Variants in PKNOX2 observed in about 807,000 individuals in gnomAD.
PKNOX2 encodes PBX/knotted 1 homeobox 2.
Under a neutral mutation model 53.1 loss-of-function variants are expected in PKNOX2, and 14 were observed. The ratio of observed to expected loss-of-function variants is 0.26; its 90% CI spans 0.17 to 0.41. The LOEUF (loss-of-function observed/expected upper bound fraction) is 0.41. Among genes scored for constraint, PKNOX2 ranks in the 10% least tolerant of loss-of-function variants. The pLI is 1.00. For missense variants in PKNOX2, 496 were observed against 602.8 expected (o/e 0.82, Z 1.85); for synonymous variants, 257 against 242.8 (o/e 1.06, Z -0.54).
chr11:125,193,813 G>A (rs1001163682), intron 1 of PKNOX2, among the ~76,000 whole-genome samples: 1 of 152,194 alleles, frequency 6.6e-6, no homozygotes, highest in South Asian at 2.1e-4. Context: ...CAGAGCAGGG[G>A]ACAAGGATTT....
chr11:125,296,981 G>A (rs936835096), intron 2 of PKNOX2, among the ~76,000 whole-genome samples: 1 of 152,138 alleles, frequency 6.6e-6, no homozygotes, highest in African/African-American at 2.4e-5. Context: ...TGAAGACAGG[G>A]AATTTGTTTT....
chr11:125,252,955 A>G (rs1050398573), intron 2 of PKNOX2, among the ~76,000 whole-genome samples: 1 of 152,172 alleles, frequency 6.6e-6, no homozygotes, highest in African/African-American at 2.4e-5. Context: ...CAGGCAACAC[A>G]ACTCATACCA....
At chr11:125,308,275 T>G (rs1409192904) in intron 2 of PKNOX2, among the ~76,000 whole-genome samples, 2 of 152,144 alleles carry the variant, frequency 1.3e-5, no homozygotes, top group African/African-American at 4.8e-5. Context: ...GGGCTGGGCC[T>G]GGCCAGCCTC....
At chr11:125,410,497 T>C (rs912854454) in intron 8 of PKNOX2, 172 bp downstream of exon 8, 4 of 957,428 alleles carry the variant, frequency 4.2e-6, no homozygotes, top group Admixed American at 2.8e-5. Context: ...CAAGACCCAA[T>C]TGTGATGGTT....
chr11:125,322,441 A>G (rs1168266817), intron 2 of PKNOX2, among the ~76,000 whole-genome samples: 1 of 151,944 alleles, frequency 6.6e-6, no homozygotes, highest in Non-Finnish European at 1.5e-5. Context: ...GTGCTGAGGG[A>G]CCTTGTCCTC....
chr11:125,259,197 T>C (rs1027688181), intron 2 of PKNOX2: 6 of 152,734 alleles, frequency 3.9e-5, no homozygotes, highest in African/African-American at 1.4e-4. Flanking sequence ...TCTTTGCACA[T>C]CATTGTGAGT....
intron 2 of PKNOX2, among the ~76,000 whole-genome samples, chr11:125,279,141 G>A (rs1946376997): frequency 6.6e-6 from 1 of 152,192 alleles, no homozygotes; most frequent in Non-Finnish European, 1.5e-5. Context: ...AAGTGCCCTG[G>A]CTCGTCTGGT....
intron 6 of PKNOX2, among the ~76,000 whole-genome samples, chr11:125,393,158 CA>C (rs571335360): frequency 0.066 from 4,640 of 70,142 alleles, 64 homozygotes; most frequent in Middle Eastern, 0.12. Context: ...AGACTCGTCT[CA>C]AAAAAAAAAA....
At chr11:125,194,822 C>CA (rs1329830009) in intron 1 of PKNOX2, among the ~76,000 whole-genome samples, 1 of 152,180 alleles carries the variant, frequency 6.6e-6, no homozygotes, top group Non-Finnish European at 1.5e-5. Context: ...TGCCAGGCTG[C>CA]AGGCAAGGTG....
intron 4 of PKNOX2, 128 bp from the exon 5 acceptor site, chr11:125,367,718 C>T (rs574668954): frequency 9.2e-6 from 9 of 974,738 alleles, no homozygotes; most frequent in Middle Eastern, 3.4e-4. Flanking sequence ...TCATTGTGTG[C>T]TCACAGTTCT....
At chr11:125,242,838 C>T (rs1263772099) in intron 2 of PKNOX2, among the ~76,000 whole-genome samples, 6 of 152,132 alleles carry the variant, frequency 3.9e-5, no homozygotes, top group Admixed American at 3.9e-4. Context: ...ACGTCCCCAT[C>T]ATGCTCTGCT....
At chr11:125,401,653 G>T (rs1319823764) in intron 7 of PKNOX2, among the ~76,000 whole-genome samples, 1 of 152,140 alleles carries the variant, frequency 6.6e-6, no homozygotes, top group Non-Finnish European at 1.5e-5. Flanking sequence ...GGCTCTCCCA[G>T]GAAGGAGAGG....
rs1956689602 is a variant in PKNOX2 at position 125,431,285 on chromosome 11, G to A, written c.1312G>A (p.Asp438Asn). The A allele has an allele frequency of 6.2e-7, 1 of 1,613,264 alleles. No individual in the cohort carries two copies. Among genetic ancestry groups the A allele is most frequent in the Non-Finnish European group, 8.5e-7 (1 of 1,179,746 alleles). The change falls in exon 13 of 13, where the codon GAT becomes AAT. Residue 438 changes from aspartate (D) to asparagine (N), a missense_variant. By Grantham distance (23) the Asp-to-Asn change is conservative (BLOSUM62 1). Transcript: ENST00000298282. ...GGATGGGACAGAAGAAGAGGATGAG[G>A]ATGAGATGGAAGAGGAGGAGGAGGA... Reference protein sequence around the residue: ...SLDGTEEEDEDEMEEEEEEEL... With the variant: ...SLDGTEEEDENEMEEEEEEEL...
chr11:125,423,085 C>CATAT (rs1565522968), intron 10 of PKNOX2, among the ~76,000 whole-genome samples: 10 of 151,946 alleles, frequency 6.6e-5, no homozygotes, highest in Non-Finnish European at 1.3e-4. Flanking sequence ...TACATATATA[C>CATAT]GTATGTATAT....
chr11:125,333,563 C>A (rs1280097876), intron 3 of PKNOX2, among the ~76,000 whole-genome samples: 2 of 151,958 alleles, frequency 1.3e-5, no homozygotes, highest in Non-Finnish European at 1.5e-5. Context: ...CACACACACA[C>A]ACACACACAC....
intron 2 of PKNOX2, among the ~76,000 whole-genome samples, chr11:125,257,020 CCTT>C (rs1473230090): frequency 1.4e-5 from 2 of 139,548 alleles, no homozygotes; most frequent in South Asian, 2.3e-4. Flanking sequence ...TTTTTTTTTT[CCTT>C]CTTCTTTGCA....
intron 4 of PKNOX2, among the ~76,000 whole-genome samples, chr11:125,362,592 A>C (rs1035453885): frequency 6.6e-6 from 1 of 152,044 alleles, no homozygotes; most frequent in Non-Finnish European, 1.5e-5. Flanking sequence ...GCTGGTCTTG[A>C]ACTCCTGGCT....
chr11:125,419,609 G>A (rs1956066418), intron 10 of PKNOX2, among the ~76,000 whole-genome samples: 1 of 151,702 alleles, frequency 6.6e-6, no homozygotes, highest in Non-Finnish European at 1.5e-5. Flanking sequence ...TCCACTATTA[G>A]AGACCCATTT....
chr11:125,425,862 G>C (rs1236161155), intron 10 of PKNOX2, among the ~76,000 whole-genome samples: 1 of 152,208 alleles, frequency 6.6e-6, no homozygotes, highest in Non-Finnish European at 1.5e-5. Flanking sequence ...TGTCCCCAGA[G>C]CTGCTAAACG....
Sources: gnomAD v4.1 joint callset for allele counts (sites outside exome capture counted in the v4.1 genomes callset) on GRCh38, gnomAD v4.1.1 for gene constraint, MANE v1.5 for transcripts, NCBI Gene and HGNC (gene_info 2026-07-23, HGNC 2026-07-21) for gene names.